The following GPR176 variants were observed in gnomAD, a reference collection of about 807,000 sequenced individuals.
The protein encoded by GPR176 is G protein-coupled receptor 176, also known as G-protein coupled receptor 176.
In GPR176, 26 loss-of-function variants were observed where a neutral mutation model predicts 35.4. That is an observed-to-expected ratio of 0.74 (90% confidence interval 0.54 to 1.02). The LOEUF (loss-of-function observed/expected upper bound fraction) is 1.02. Ranked by LOEUF, GPR176 falls within the 50% of genes least tolerant of loss-of-function variation. GPR176 has a pLI of 0.00. For synonymous variants in GPR176, 278 were observed against 271.3 expected, an observed-to-expected ratio of 1.02 and a Z score of -0.24; for missense variants, 597 against 665.3, an observed-to-expected ratio of 0.90 and a Z score of 1.13.
chr15:39,845,501 T>A (rs2030354239), intron 1 of GPR176, among the ~76,000 whole-genome samples: 1 of 151,410 alleles, frequency 6.6e-6, no homozygotes. Context: ...GTACCATGGC[T>A]GTCCACTGGA....
intron 1 of GPR176, among the ~76,000 whole-genome samples, chr15:39,809,110 G>A (rs957173107): frequency 1.3e-5 from 2 of 152,148 alleles, no homozygotes; most frequent in African/African-American, 4.8e-5. Flanking sequence ...TTTTCATGCT[G>A]TTATTTCTTT....
intron 1 of GPR176, among the ~76,000 whole-genome samples, chr15:39,863,379 A>G (rs2031691634): frequency 1.3e-5 from 2 of 151,608 alleles, no homozygotes; most frequent in African/African-American, 2.4e-5. Flanking sequence ...AATTTTTTCT[A>G]TTTAAAATAG....
At chr15:39,892,325 C>G (rs760735546) in intron 1 of GPR176, among the ~76,000 whole-genome samples, 3 of 140,694 alleles carry the variant, frequency 2.1e-5, no homozygotes, top group Non-Finnish European at 3.0e-5. Flanking sequence ...GCATGGGAAG[C>G]CTACTGTAAT....
At chr15:39,828,873 T>C (rs1900869368) in intron 1 of GPR176, among the ~76,000 whole-genome samples, 1 of 152,198 alleles carries the variant, frequency 6.6e-6, no homozygotes, top group African/African-American at 2.4e-5. Flanking sequence ...ACAGTGTATG[T>C]GGAACGGTAT....
intron 1 of GPR176, among the ~76,000 whole-genome samples, chr15:39,821,889 C>A (rs566001855): frequency 6.6e-6 from 1 of 152,242 alleles, no homozygotes; most frequent in Non-Finnish European, 1.5e-5. Flanking sequence ...GTGGGCCTCT[C>A]CCATAGTCAA....
chr15:39,845,288 C>T (rs2030338240), intron 1 of GPR176, among the ~76,000 whole-genome samples: 1 of 151,986 alleles, frequency 6.6e-6, no homozygotes, highest in Non-Finnish European at 1.5e-5. Flanking sequence ...TCTCCAGAAT[C>T]TAAAGCAGAA....
intron 1 of GPR176, among the ~76,000 whole-genome samples, chr15:39,874,434 G>A (rs991493289): frequency 2.0e-5 from 3 of 152,108 alleles, no homozygotes; most frequent in African/African-American, 7.2e-5. Flanking sequence ...TATTGACAGA[G>A]CTTTATGCAA....
At chr15:39,897,599 A>ATTTTTTTTT (rs386382791) in intron 1 of GPR176, among the ~76,000 whole-genome samples, 10 of 88,522 alleles carry the variant, frequency 1.1e-4, no homozygotes, top group African/African-American at 2.7e-4. Flanking sequence ...ACATCCAAAT[A>ATTTTTTTTT]TTTTTTTTTT....
intron 1 of GPR176, among the ~76,000 whole-genome samples, chr15:39,903,577 T>C (rs551957491): frequency 2.1e-5 from 3 of 143,610 alleles, no homozygotes; most frequent in African/African-American, 5.0e-5. Flanking sequence ...CTACATCATA[T>C]GTGAGGTTTT....
chr15:39,860,780 A>T (rs550426637), intron 1 of GPR176: 1 of 152,286 alleles, frequency 6.6e-6, no homozygotes, highest in South Asian at 2.1e-4. Context: ...GTGAGTACTT[A>T]CATTCTGGTT....
At position 39,920,195 on chromosome 15, in the gene GPR176, A is replaced by G; in HGVS notation, c.-169T>C. On this transcript the variant is annotated 5_prime_UTR_variant, in exon 1 of 3. Coordinates refer to ENST00000561100, the MANE Select transcript of GPR176 (RefSeq NM_007223.3). ...CACATCGCCAACCCCGGCGCCCGGG[A>G]GGCGGGGAGGGAGGGAGGCGCGGCT... 1 of 423,922 alleles carries G rather than the reference A, an allele frequency of 2.4e-6. No individual in the cohort carries two copies. Among genetic ancestry groups the G allele is most frequent in the Non-Finnish European group, 4.0e-6 (1 of 246,924 alleles). 26.3% of individuals were successfully genotyped at this position (423,922 alleles called of 1,614,324 possible). A position where few individuals can be genotyped will look rare whatever the true frequency, so the allele number is the denominator to read the frequency against.
chr15:39,818,643 G>A (rs1054321319), intron 1 of GPR176, among the ~76,000 whole-genome samples: 4 of 152,216 alleles, frequency 2.6e-5, no homozygotes, highest in African/African-American at 9.7e-5. Flanking sequence ...GTATCCCAAA[G>A]GGTAAGGCAA....
chr15:39,805,128 C>G (rs1421190556), intron 2 of GPR176, among the ~76,000 whole-genome samples: 4 of 152,074 alleles, frequency 2.6e-5, no homozygotes, highest in African/African-American at 9.7e-5. Flanking sequence ...AAACTGAAGA[C>G]TTAAGACTTT....
chr15:39,881,743 A>C (rs2032483820), intron 1 of GPR176, among the ~76,000 whole-genome samples: 1 of 152,238 alleles, frequency 6.6e-6, no homozygotes, highest in African/African-American at 2.4e-5. Context: ...TGCTCATTAC[A>C]GTATAAACAT....
At chr15:39,807,676 A>G in intron 1 of GPR176, 1 of 702,158 alleles carries the variant, frequency 1.4e-6, no homozygotes. Context: ...AATTTATGGT[A>G]GCCATGTTTT....
chr15:39,914,856 A>C (rs1054878473), intron 1 of GPR176, among the ~76,000 whole-genome samples: 1 of 152,232 alleles, frequency 6.6e-6, no homozygotes, highest in Non-Finnish European at 1.5e-5. Flanking sequence ...ATTTCAAATA[A>C]TATCAAAAGC....
rs1198091004 is a variant in GPR176, at chr15:39,833,350, C to T, written c.173-26092G>A. ...AAGAATGATGTGCTGATACATACTA[C>T]AACATGGATGAACCTCAAAAACATC... On this transcript the variant is annotated intron_variant, in intron 1 of 2. Coordinates refer to ENST00000561100, the MANE Select transcript of GPR176 (RefSeq NM_007223.3). Among the ~76,000 whole-genome samples, 3 of 152,118 alleles carry T rather than the reference C, an allele frequency of 2.0e-5. No individual in the cohort carries two copies. The East Asian group carries it at 5.8e-4, about 29-fold the overall frequency.
chr15:39,824,019 T>C (rs1900454518), intron 1 of GPR176, among the ~76,000 whole-genome samples: 1 of 152,230 alleles, frequency 6.6e-6, no homozygotes, highest in Non-Finnish European at 1.5e-5. Flanking sequence ...GTTTGAGTCA[T>C]GGGGGTGGAT....
chr15:39,854,600 C>T lies in GPR176; in HGVS notation c.173-47342G>A, dbSNP rs529833312. ...AAATAAAATAATAACAAAAATCTAGCCCATACCAAGAGTTCTGTGATTTGG... is the reference window on the plus strand; with the variant it reads ...AAATAAAATAATAACAAAAATCTAGTCCATACCAAGAGTTCTGTGATTTGG... On this transcript the variant is annotated intron_variant, in intron 1 of 2. Coordinates refer to ENST00000561100, the MANE Select transcript of GPR176 (RefSeq NM_007223.3). Among the ~76,000 whole-genome samples the T allele has an allele frequency of 3.9e-5, 6 of 152,250 alleles. No individual in the cohort carries two copies. In the South Asian group the frequency reaches 1.2e-3, roughly 32 times the overall value.
Sources: gnomAD v4.1 joint callset for allele counts (sites outside exome capture counted in the v4.1 genomes callset) on GRCh38, gnomAD v4.1.1 for gene constraint, MANE v1.5 for transcripts, NCBI Gene and HGNC (gene_info 2026-07-23, HGNC 2026-07-21) for gene names.